The following SLC35B4 variants were observed in gnomAD, a reference collection of about 807,000 sequenced individuals.
SLC35B4 encodes the protein nucleotide sugar transporter SLC35B4.
In SLC35B4, 28 loss-of-function variants were observed where a neutral mutation model predicts 39.5. The ratio of observed to expected loss-of-function variants is 0.71; its 90% CI spans 0.53 to 0.97. The LOEUF (loss-of-function observed/expected upper bound fraction) is 0.97, where lower values mean the gene tolerates loss of function less well. Among genes scored for constraint, SLC35B4 ranks in the 50% least tolerant of loss-of-function variants. The probability of loss-of-function intolerance (pLI) is 0.00; values close to 1 mark genes in which losing one functional copy is unlikely to be tolerated. For missense variants in SLC35B4, 334 were observed against 414.3 expected (o/e 0.81, Z 1.68); for synonymous variants, 145 against 150.4 (o/e 0.96, Z 0.26).
At chr7:134,318,382 T>G (rs1278397166), upstream of SLC35B4, among the ~76,000 whole-genome samples, 1 of 140,454 alleles carries the variant, frequency 7.1e-6, no homozygotes. Flanking sequence ...CGTCTTGAGT[T>G]TGCACAGTGC....
rs938882494 is a variant in SLC35B4 at position 134,316,743 on chromosome 7, C to A, written c.9G>T (p.Pro3=). 4.9e-5 allele frequency: 76 copies of A among 1,548,906 alleles called. No individual in the cohort carries two copies. The highest frequency in any genetic ancestry group is 5.8e-5 in the Non-Finnish European group (67 of 1,146,790). Residue 3 remains proline, a synonymous_variant, in exon 1 of 10, where the codon CCG becomes CCT. Transcript: ENST00000378509. ...CGAACACCAGGCCCACCGCCAAGGC[C>A]GGGCGCATGGCCGGTGCAGGGTTGG... MR[P]ALAVGLVFAG...
chr7:134,304,309 T>C (rs889672675), intron 4 of SLC35B4, among the ~76,000 whole-genome samples: 12 of 152,040 alleles, frequency 7.9e-5, no homozygotes, highest in African/African-American at 2.9e-4. Context: ...GAGGATCACT[T>C]GAACCTGGGA....
rs777388403 is a variant in SLC35B4, at chr7:134,304,801, T to G, written c.344+4A>C. 2.5e-6 allele frequency: 4 copies of G among 1,605,804 alleles called. No individual in the cohort carries two copies. In the South Asian group the frequency reaches 3.3e-5, roughly 13 times the overall value. ...TACACAAAATACAGAAGTGTATTGT[T>G]TACCTTTTCTTCAAAATGATAATTC... On this transcript the variant is annotated splice_donor_region_variant and intron_variant, in intron 4 of 9. Coordinates refer to ENST00000378509, the MANE Select transcript of SLC35B4 (RefSeq NM_032826.5).
chr7:134,299,846 A>C (rs1803539766), intron 7 of SLC35B4, among the ~76,000 whole-genome samples: 1 of 152,216 alleles, frequency 6.6e-6, no homozygotes, highest in Non-Finnish European at 1.5e-5. Context: ...CAAACAATGG[A>C]GCCAGCATCC....
upstream of SLC35B4, among the ~76,000 whole-genome samples, chr7:134,318,335 G>A (rs1427655935): frequency 6.6e-6 from 1 of 152,100 alleles, no homozygotes; most frequent in Non-Finnish European, 1.5e-5. Flanking sequence ...TAAATAGAAA[G>A]CCTACTACCT....
chr7:134,300,719 C>T (rs1384664408), intron 6 of SLC35B4, among the ~76,000 whole-genome samples: 1 of 152,078 alleles, frequency 6.6e-6, no homozygotes, highest in Non-Finnish European at 1.5e-5. Flanking sequence ...TTAGGATAAA[C>T]CCTCATAAGT....
intron 8 of SLC35B4, among the ~76,000 whole-genome samples, chr7:134,298,610 G>A (rs1461589763): frequency 6.6e-6 from 1 of 152,138 alleles, no homozygotes; most frequent in East Asian, 1.9e-4. Flanking sequence ...CTTAAAAACT[G>A]TTGTGTTAAT....
chr7:134,302,863 G>A (rs745802635), intron 4 of SLC35B4, among the ~76,000 whole-genome samples: 1 of 152,110 alleles, frequency 6.6e-6, no homozygotes, highest in Non-Finnish European at 1.5e-5. Context: ...AAGGCCAGCA[G>A]AACTAGCTAA....
rs754634492 is a variant in SLC35B4 at position 134,292,372 on chromosome 7, C to T, written c.*2461G>A. 1 of 152,332 alleles carries T rather than the reference C, an allele frequency of 6.6e-6. No homozygotes were observed. The highest frequency in any genetic ancestry group is 1.5e-5 in the Non-Finnish European group (1 of 68,202). 9.4% of individuals were successfully genotyped at this position (152,332 alleles called of 1,614,324 possible). ...CCAGGGAATTTGGGGCTTTCTGCTT[C>T]TATATGTGGTCATCTTGTGCGAGTG... On this transcript the variant is annotated 3_prime_UTR_variant, in exon 10 of 10. Transcript: ENST00000378509.
rs766546718 is a variant in SLC35B4, at chr7:134,295,020, G to T, written c.809C>A (p.Thr270Lys). 1 of 1,614,104 alleles carries T rather than the reference G, an allele frequency of 6.2e-7. No individual in the cohort carries two copies. The highest frequency in any genetic ancestry group is 2.2e-5 in the East Asian group (1 of 44,894). ...LTTECASLTV[T>K]LVVTLRKFVS... The stretch of plus-strand genomic sequence containing the variant: ...AAATTTGCGTAGGGTCACGACGAGC[G>T]TGACGGTGAGGGAGGCGCATTCTGT... Residue 270 changes from threonine to lysine, a missense_variant, in exon 10 of 10, where the codon ACG (threonine) becomes AAG (lysine). Thr to Lys is a moderately conservative substitution (Grantham distance 78). Coordinates refer to ENST00000378509, the MANE Select transcript of SLC35B4 (RefSeq NM_032826.5).
rs1171894374 is a variant in SLC35B4, at chr7:134,309,466, A to G, written c.91T>C (p.Cys31Arg). The G allele has an allele frequency of 1.9e-6, 3 of 1,609,456 alleles. No individual in the cohort carries two copies. The highest frequency in any genetic ancestry group is 2.5e-6 in the Non-Finnish European group (3 of 1,179,018). ...TGTGCAAATGTCACAATGTTCCCAC[A>G]TCCTGGATGCTTCCTGTATAGTGAA... ...LELLARKHPG[C>R]GNIVTFAQFL... Residue 31 changes from cysteine (C) to arginine (R), a missense_variant, in exon 2 of 10, where the codon TGT becomes CGT. Cys to Arg is a radical substitution (Grantham distance 180). Coordinates refer to ENST00000378509, the MANE Select transcript of SLC35B4 (RefSeq NM_032826.5).
intron 4 of SLC35B4, 87 bp from the exon 5 acceptor site, chr7:134,302,197 G>T (rs989632702): frequency 7.1e-6 from 8 of 1,119,512 alleles, no homozygotes; most frequent in Non-Finnish European, 1.0e-5. Context: ...GATGGTGCAT[G>T]AAAGTACAAA....
At position 134,309,363 on chromosome 7, in the gene SLC35B4, T is replaced by C. The variant is rs1483462897; in HGVS notation, c.191+3A>G. 2 of 1,594,302 alleles carry C rather than the reference T, an allele frequency of 1.3e-6. No individual in the cohort carries two copies. The highest frequency in any genetic ancestry group is 1.7e-6 in the Non-Finnish European group (2 of 1,167,768). ...AGCTAAAAGAGACTCTAATGTACCATACCTTATTGGGATAGCTGGTGGCTT... is the reference window on the plus strand; with the variant it reads ...AGCTAAAAGAGACTCTAATGTACCACACCTTATTGGGATAGCTGGTGGCTT... On this transcript the variant is annotated splice_donor_region_variant and intron_variant, in intron 2 of 9. Transcript: ENST00000378509.
upstream of SLC35B4, chr7:134,317,050 C>T: frequency 2.7e-6 from 1 of 366,532 alleles, no homozygotes; most frequent in Non-Finnish European, 5.0e-6. Context: ...TTCCCGCTTC[C>T]GCCAGGCAGC....
At chr7:134,300,636 AT>A (rs1242334182) in intron 6 of SLC35B4, among the ~76,000 whole-genome samples, 1 of 152,176 alleles carries the variant, frequency 6.6e-6, no homozygotes, top group Non-Finnish European at 1.5e-5. Flanking sequence ...GAGGATGGTT[AT>A]TTCCAATTAT....
At chr7:134,302,617 T>G (rs1803609757) in intron 4 of SLC35B4, among the ~76,000 whole-genome samples, 1 of 152,148 alleles carries the variant, frequency 6.6e-6, no homozygotes. Flanking sequence ...TCTGAATGAC[T>G]TAACATTGTT....
chr7:134,317,403 T>C (rs1643029), upstream of SLC35B4, among the ~76,000 whole-genome samples: 3,781 of 152,238 alleles, frequency 0.025, 143 homozygotes, highest in East Asian at 0.14. Flanking sequence ...CGTCTGTACA[T>C]TGGAATCACT....
chr7:134,304,234 C>A (rs57542305), intron 4 of SLC35B4, among the ~76,000 whole-genome samples: 2,919 of 151,894 alleles, frequency 0.019, 114 homozygotes, highest in African/African-American at 0.068. Flanking sequence ...ACCAAAAATA[C>A]AAAAAAGTTA....
At chr7:134,309,187 T>G (rs999793124) in intron 2 of SLC35B4, among the ~76,000 whole-genome samples, 179 bp downstream of exon 2, 16 of 152,346 alleles carry the variant, frequency 1.1e-4, no homozygotes, top group African/African-American at 3.8e-4. Flanking sequence ...GAAATTTTAT[T>G]TTCGAAGTAG....
Sources: allele counts gnomAD v4.1 joint callset (sites outside exome capture counted in the v4.1 genomes callset), GRCh38; gene constraint gnomAD v4.1.1; transcripts MANE v1.5; gene names NCBI Gene and HGNC (gene_info 2026-07-23, HGNC 2026-07-21).